Variants in RTN4 observed in about 807,000 individuals in gnomAD.
RTN4 encodes reticulon 4.
A neutral mutation model predicts 90.4 loss-of-function variants in RTN4; 32 were observed. That is an observed-to-expected ratio of 0.35 (90% CI 0.27 to 0.48). The LOEUF (loss-of-function observed/expected upper bound fraction) is 0.48, where lower values mean the gene tolerates loss of function less well. Ranked by LOEUF, RTN4 falls within the 20% of genes least tolerant of loss-of-function variation. The pLI, the probability that RTN4 is intolerant of heterozygous loss-of-function variation, is 0.99. For synonymous variants in RTN4, 629 were observed against 552.5 expected (o/e 1.14, Z -1.94); for missense variants, 1,706 against 1,430.2 (o/e 1.19, Z -3.11).
intron 1 of RTN4, 66 bp downstream of exon 1, chr2:55,049,679 T>C (rs763141930): frequency 6.7e-7 from 1 of 1,498,132 alleles, no homozygotes; most frequent in Non-Finnish European, 8.9e-7. Flanking sequence ...CCAAAGCATC[T>C]GGGGCTGCAC....
intron 4 of RTN4, among the ~76,000 whole-genome samples, chr2:54,983,664 G>C (rs1043070956): frequency 9.2e-5 from 14 of 152,100 alleles, no homozygotes; most frequent in Non-Finnish European, 2.1e-4. Context: ...TTACGAGCTG[G>C]AATATTCTAT....
chr2:55,096,211 A>G (rs1356787172), intron 1 of RTN4, among the ~76,000 whole-genome samples: 1 of 152,094 alleles, frequency 6.6e-6, no homozygotes, highest in Non-Finnish European at 1.5e-5. Context: ...CTGTAATCCC[A>G]GGTACTCAGG....
At position 55,046,592 on chromosome 2, in the gene RTN4, A is replaced by G. The variant is rs188665311; in HGVS notation, c.556+3153T>C. On this transcript the variant is annotated intron_variant, in intron 1 of 8. Coordinates refer to ENST00000337526, the MANE Select transcript of RTN4 (RefSeq NM_020532.5). ...TGTTTATTTTCCTCATAACACCACT[A>G]TTCTGGGTTCTTTATTTATGTGCTT... Among the ~76,000 whole-genome samples, 6 of 152,288 alleles carry G rather than the reference A, an allele frequency of 3.9e-5. No homozygotes were observed. In the East Asian group the frequency reaches 7.7e-4, roughly 20 times the overall value.
chr2:55,028,238 T>C lies in RTN4; in HGVS notation c.557-18A>G, dbSNP rs1409396816. On this transcript the variant is annotated intron_variant, in intron 1 of 8. Transcript: ENST00000337526. ...GGTCTCATCTGAAAAACAAATAGAA[T>C]ATAACCTCAGCAGAAATAAAGACAG... is the stretch of plus-strand genomic sequence containing the variant. The C allele has an allele frequency of 3.1e-6, 5 of 1,607,332 alleles. No individual in the cohort carries two copies. Among genetic ancestry groups the C allele is most frequent in the Middle Eastern group, 1.7e-4 (1 of 6,040 alleles).
At chr2:55,052,009 T>C (rs550590137), upstream of RTN4, among the ~76,000 whole-genome samples, 238 of 152,296 alleles carry the variant, frequency 1.6e-3, no homozygotes, top group South Asian at 3.9e-3. Flanking sequence ...TCCAACTAAT[T>C]TATATTACTG....
In RTN4 at chr2:54,972,922, A is replaced by ATGAT. The variant is rs1363549137; in HGVS notation, c.*230_*233dup. On this transcript the variant is annotated 3_prime_UTR_variant, in exon 9 of 9. Transcript: ENST00000337526. ...TGCCTCAGATAGATAGGAAAAAGAT[A>ATGAT]TGATTACGGTTTAAATCCATACATA... The ATGAT allele has an allele frequency of 2.9e-5, 11 of 380,198 alleles. No homozygotes were observed. The highest frequency in any genetic ancestry group is 1.3e-4 in the South Asian group (1 of 7,688). The allele number at this position is 380,198 out of a possible 1,614,324, so 23.6% of individuals were successfully genotyped here.
chr2:54,977,405 C>G (rs991542636), intron 5 of RTN4, among the ~76,000 whole-genome samples: 4 of 70,806 alleles, frequency 5.6e-5, no homozygotes, highest in Non-Finnish European at 1.2e-4. Flanking sequence ...GAGCTCAGGC[C>G]GTTTTTTTTT....
At chr2:55,071,239 C>G (rs1431276023) in intron 2 of RTN4, among the ~76,000 whole-genome samples, 1 of 152,012 alleles carries the variant, frequency 6.6e-6, no homozygotes, top group African/African-American at 2.4e-5. Flanking sequence ...CTGGCACAGT[C>G]AGTCATCCTG....
chr2:55,070,561 A>G (rs1438907422), intron 2 of RTN4, among the ~76,000 whole-genome samples: 1 of 149,928 alleles, frequency 6.7e-6, no homozygotes, highest in Non-Finnish European at 1.5e-5. Flanking sequence ...AAAAAAAAAA[A>G]AAAAAGAAAG....
intron 1 of RTN4, among the ~76,000 whole-genome samples, chr2:55,100,515 T>C (rs1455407985): frequency 6.6e-6 from 1 of 152,128 alleles, no homozygotes; most frequent in African/African-American, 2.4e-5. Flanking sequence ...CTGCTGCAAC[T>C]GAAGACAGTG....
intron 2 of RTN4, among the ~76,000 whole-genome samples, chr2:55,070,099 A>C (rs1286246836): frequency 6.6e-6 from 1 of 152,158 alleles, no homozygotes; most frequent in Non-Finnish European, 1.5e-5. Context: ...AGACAGTCTA[A>C]AGCAGGGGTT....
At chr2:55,095,256 G>C (rs1282844585) in intron 1 of RTN4, among the ~76,000 whole-genome samples, 1 of 151,820 alleles carries the variant, frequency 6.6e-6, no homozygotes, top group Admixed American at 6.6e-5. Flanking sequence ...CCTGGCAGGC[G>C]GAAATTGCAG....
intron 1 of RTN4, among the ~76,000 whole-genome samples, chr2:55,030,363 C>T (rs938301700): frequency 1.3e-5 from 2 of 152,044 alleles, no homozygotes; most frequent in African/African-American, 2.4e-5. Context: ...AAATGGGATT[C>T]GATCCAGTTA....
chr2:55,066,040 T>C (rs1668383832), intron 2 of RTN4, among the ~76,000 whole-genome samples: 1 of 152,244 alleles, frequency 6.6e-6, no homozygotes, highest in East Asian at 1.9e-4. Flanking sequence ...TAGTAAATTA[T>C]GGTACATTCT....
intron 2 of RTN4, among the ~76,000 whole-genome samples, chr2:55,063,738 G>A (rs574954143): frequency 4.9e-4 from 75 of 152,052 alleles, no homozygotes; most frequent in South Asian, 4.2e-4. Context: ...AAAATCAGCC[G>A]GGCGTGGTGG....
chr2:55,100,632 C>A (rs1047188535), intron 1 of RTN4, among the ~76,000 whole-genome samples: 1 of 152,100 alleles, frequency 6.6e-6, no homozygotes, highest in Non-Finnish European at 1.5e-5. Context: ...GGAGCTCTAA[C>A]AAGAACAGTC....
the RTN4 span, among the ~76,000 whole-genome samples, chr2:55,122,541 G>A: frequency 5.9e-5 from 9 of 152,320 alleles, no homozygotes; most frequent in East Asian, 1.5e-3. Flanking sequence ...CTTGTGTTTT[G>A]TAAGTGACGT....
chr2:55,010,219 C>T (rs201484463), intron 3 of RTN4: 19 of 1,589,100 alleles, frequency 1.2e-5, no homozygotes, highest in African/African-American at 2.7e-5. Flanking sequence ...ATGAAATACC[C>T]GTTTCCTCAA....
At chr2:55,075,207 T>G (rs1668579467) in intron 2 of RTN4, among the ~76,000 whole-genome samples, 1 of 152,228 alleles carries the variant, frequency 6.6e-6, no homozygotes, top group South Asian at 2.1e-4. Context: ...CTCCTAGAAC[T>G]GGTAAATGAA....
Sources: gnomAD v4.1 joint callset for allele counts (sites outside exome capture counted in the v4.1 genomes callset) on GRCh38, gnomAD v4.1.1 for gene constraint, MANE v1.5 for transcripts, NCBI Gene and HGNC (gene_info 2026-07-23, HGNC 2026-07-21) for gene names.